SOX5: variants seen among roughly 807,000 people sequenced by gnomAD.
The protein encoded by SOX5 is transcription factor SOX-5.
A neutral mutation model predicts 92.0 loss-of-function variants in SOX5; 9 were observed. That is an observed-to-expected ratio of 0.10 (90% CI 0.06 to 0.17). The LOEUF (loss-of-function observed/expected upper bound fraction) is 0.17. Among genes scored for constraint, SOX5 ranks in the 10% least tolerant of loss-of-function variants. The pLI, the probability that SOX5 is intolerant of heterozygous loss-of-function variation, is 1.00. For missense variants in SOX5, 642 were observed against 944.5 expected, an observed-to-expected ratio of 0.68 and a Z score of 4.20; for synonymous variants, 344 against 336.3, an observed-to-expected ratio of 1.02 and a Z score of -0.25.
At chr12:24,101,300 C>T (rs12301959) in intron 4 of SOX5, among the ~76,000 whole-genome samples, 2,988 of 152,216 alleles carry the variant, frequency 0.02, 101 homozygotes, top group African/African-American at 0.068. Context: ...TGATCACGTC[C>T]AAGACATCTC....
intron 3 of SOX5, among the ~76,000 whole-genome samples, chr12:23,831,581 T>C (rs1017602981): frequency 2.5e-4 from 38 of 152,124 alleles, no homozygotes; most frequent in African/African-American, 7.0e-4. Context: ...TTGAAACTCA[T>C]TGCATTATTT....
rs5797023 is a variant in SOX5 at position 23,540,361 on chromosome 12, T to TATAATAATA, written c.1771+2841_1771+2849dup. Reference sequence around the variant, plus strand: ...TGGACATGTACCCTAAAACTTAAAGTATAATAATAATAATAATAATAATAA... The same window carrying TATAATAATA: ...TGGACATGTACCCTAAAACTTAAAGTATAATAATAATAATAATAATAATAATAATAATAA... On this transcript the variant is annotated intron_variant, in intron 13 of 14. Coordinates refer to ENST00000451604, the MANE Select transcript of SOX5 (RefSeq NM_006940.6). Among the ~76,000 whole-genome samples the TATAATAATA allele has an allele frequency of 7.7e-3, 1,105 of 142,780 alleles. 10 individuals are homozygous for TATAATAATA. The highest frequency in any genetic ancestry group is 0.049 in the East Asian group (240 of 4,912). 93.7% of individuals were successfully genotyped at this position (142,780 alleles called of 152,430 possible).
chr12:23,882,207 T>C (rs1595345422), intron 2 of SOX5, among the ~76,000 whole-genome samples: 1 of 152,170 alleles, frequency 6.6e-6, no homozygotes, highest in East Asian at 1.9e-4. Flanking sequence ...TTAACATCAT[T>C]TTAAGCCCCT....
intron 3 of SOX5, among the ~76,000 whole-genome samples, chr12:23,772,737 C>T (rs1264509895): frequency 6.6e-6 from 1 of 152,064 alleles, no homozygotes; most frequent in African/African-American, 2.4e-5. Flanking sequence ...CCTAATATAC[C>T]TAACATATAG....
intron 3 of SOX5, among the ~76,000 whole-genome samples, chr12:23,784,422 G>A (rs1393929151): frequency 6.6e-6 from 1 of 152,046 alleles, no homozygotes; most frequent in African/African-American, 2.4e-5. Flanking sequence ...CGCCTCCCGG[G>A]TTCACGCCAT....
upstream of SOX5, among the ~76,000 whole-genome samples, chr12:23,952,227 G>A (rs1017356897): frequency 3.9e-5 from 6 of 152,078 alleles, no homozygotes; most frequent in African/African-American, 1.4e-4. Flanking sequence ...AGGAGAGGAC[G>A]CAGAGAGAGC....
chr12:24,257,910 C>T (rs1941473927), intron 3 of SOX5, among the ~76,000 whole-genome samples: 1 of 152,114 alleles, frequency 6.6e-6, no homozygotes, highest in Non-Finnish European at 1.5e-5. Flanking sequence ...CGCCATGGCT[C>T]ACGCCTGTAA....
chr12:23,616,456 G>A (rs1161804522), intron 8 of SOX5, among the ~76,000 whole-genome samples: 1 of 152,168 alleles, frequency 6.6e-6, no homozygotes, highest in East Asian at 1.9e-4. Flanking sequence ...TTTCCAGTCT[G>A]GAGTCCCCGT....
rs142572552 is a variant in SOX5 at position 24,445,387 on chromosome 12, G to C, written c.-250-76748C>G. Among the ~76,000 whole-genome samples, 365 of 152,200 alleles carry C rather than the reference G, an allele frequency of 2.4e-3. 4 individuals carry two copies. Among genetic ancestry groups the C allele is most frequent in the African/African-American group, 8.3e-3 (345 of 41,538 alleles). On this transcript the variant is annotated intron_variant, in intron 1 of 4. Transcript: ENST00000446891. ...GCAAAAAAAGGAGGTAAAAGGGAAAGGATAAATTTCATTGTGACAGACTAT... is the reference window on the plus strand; with the variant it reads ...GCAAAAAAAGGAGGTAAAAGGGAAACGATAAATTTCATTGTGACAGACTAT...
At chr12:24,257,472 G>T (rs1033659854) in intron 3 of SOX5, among the ~76,000 whole-genome samples, 4 of 74,116 alleles carry the variant, frequency 5.4e-5, no homozygotes, top group Non-Finnish European at 8.0e-5. Context: ...TGTTTGTTTT[G>T]TTTTGTTTTT....
upstream of SOX5, among the ~76,000 whole-genome samples, chr12:23,954,942 TA>T (rs1946101117): frequency 6.6e-6 from 1 of 152,098 alleles, no homozygotes; most frequent in Non-Finnish European, 1.5e-5. Context: ...TAATTTTAAA[TA>T]AAAGCTTTTA....
intron 1 of SOX5, among the ~76,000 whole-genome samples, chr12:24,509,777 T>C (rs1050772102): frequency 2.0e-5 from 3 of 152,188 alleles, no homozygotes; most frequent in Non-Finnish European, 2.9e-5. Context: ...AGCCAGTAAC[T>C]AGAAAATTAG....
chr12:24,327,644 C>A (rs371796964), intron 2 of SOX5, among the ~76,000 whole-genome samples: 1 of 151,610 alleles, frequency 6.6e-6, no homozygotes, highest in African/African-American at 2.4e-5. Flanking sequence ...AGTGCAGTGG[C>A]GCATTCTCCG....
At chr12:24,465,496 G>C (rs1440136178) in intron 1 of SOX5, among the ~76,000 whole-genome samples, 1 of 152,162 alleles carries the variant, frequency 6.6e-6, no homozygotes, top group Non-Finnish European at 1.5e-5. Flanking sequence ...AGGAAAAACA[G>C]ACTTTGTTCT....
intron 4 of SOX5, among the ~76,000 whole-genome samples, chr12:23,747,243 T>C (rs935808670): frequency 2.0e-5 from 3 of 152,132 alleles, no homozygotes; most frequent in Non-Finnish European, 4.4e-5. Context: ...TCATTTCCAC[T>C]ATTACTCCTT....
chr12:24,433,627 C>T (rs914162414), intron 1 of SOX5, among the ~76,000 whole-genome samples: 6 of 152,128 alleles, frequency 3.9e-5, no homozygotes, highest in Admixed American at 1.3e-4. Flanking sequence ...GTAACCATAA[C>T]GTTGAAAACA....
intron 7 of SOX5, among the ~76,000 whole-genome samples, chr12:23,654,527 A>G (rs1260973539): frequency 1.3e-5 from 2 of 152,162 alleles, no homozygotes; most frequent in African/African-American, 4.8e-5. Context: ...ATATCATTTT[A>G]TACTTTCTTA....
chr12:24,420,428 C>T (rs763488679), intron 1 of SOX5, among the ~76,000 whole-genome samples: 4 of 152,208 alleles, frequency 2.6e-5, no homozygotes, highest in South Asian at 4.1e-4. Flanking sequence ...AAAGATGAGA[C>T]CATTTGAGCC....
chr12:24,457,419 C>T (rs1321703638), intron 1 of SOX5, among the ~76,000 whole-genome samples: 1 of 152,124 alleles, frequency 6.6e-6, no homozygotes, highest in Non-Finnish European at 1.5e-5. Context: ...ATGGTTGTTG[C>T]TTTTACCAAT....
Sources: allele counts gnomAD v4.1 joint callset (sites outside exome capture counted in the v4.1 genomes callset), GRCh38; gene constraint gnomAD v4.1.1; transcripts MANE v1.5; gene names NCBI Gene and HGNC (gene_info 2026-07-23, HGNC 2026-07-21).